FGF7: variants seen among roughly 807,000 people sequenced by gnomAD.
The protein encoded by FGF7 is fibroblast growth factor 7, also known as FGF-7.
Under a neutral mutation model 20.5 loss-of-function variants are expected in FGF7, and 6 were observed. The ratio of observed to expected loss-of-function variants is 0.29; its 90% CI spans 0.16 to 0.58. The LOEUF (loss-of-function observed/expected upper bound fraction) is 0.58. FGF7 is among the 20% of genes least tolerant of loss of function. The pLI, the probability that FGF7 is intolerant of heterozygous loss-of-function variation, is 0.90. For synonymous variants in FGF7, 64 were observed against 74.7 expected, an observed-to-expected ratio of 0.86 and a Z score of 0.74; for missense variants, 144 against 228.8, an observed-to-expected ratio of 0.63 and a Z score of 2.39.
At chr15:49,426,557 T>C (rs887932346) in intron 2 of FGF7, among the ~76,000 whole-genome samples, 3 of 151,958 alleles carry the variant, frequency 2.0e-5, no homozygotes, top group Non-Finnish European at 4.4e-5. Flanking sequence ...GTAAATTTTA[T>C]TTTGTTTGTG....
chr15:49,436,419 A>C (rs1264035623), intron 2 of FGF7, among the ~76,000 whole-genome samples: 1 of 151,698 alleles, frequency 6.6e-6, no homozygotes, highest in African/African-American at 2.4e-5. Context: ...TTTTATCAAC[A>C]CAAGCTGGTT....
At chr15:49,464,829 C>T (rs1057312328) in intron 2 of FGF7, among the ~76,000 whole-genome samples, 1 of 151,954 alleles carries the variant, frequency 6.6e-6, no homozygotes, top group Non-Finnish European at 1.5e-5. Context: ...CCTTGCTTAG[C>T]GTTAATAAAA....
chr15:49,469,620 A>C (rs1354047050), intron 2 of FGF7, among the ~76,000 whole-genome samples: 1 of 152,122 alleles, frequency 6.6e-6, no homozygotes, highest in Non-Finnish European at 1.5e-5. Flanking sequence ...TAATTCAATA[A>C]AGTATTTACT....
At chr15:49,454,296 T>A (rs1478417457) in intron 2 of FGF7, among the ~76,000 whole-genome samples, 3 of 152,188 alleles carry the variant, frequency 2.0e-5, no homozygotes, top group Admixed American at 6.5e-5. Context: ...TAGGTCTCTC[T>A]TGTGCATTTT....
At chr15:49,478,063 T>G (rs1324036220) in intron 2 of FGF7, among the ~76,000 whole-genome samples, 1 of 152,170 alleles carries the variant, frequency 6.6e-6, no homozygotes, top group East Asian at 1.9e-4. Flanking sequence ...TTTTCAACCC[T>G]TCCCTCATCT....
chr15:49,423,970 C>A, intron 1 of FGF7, 62 bp from the exon 2 acceptor site: 1 of 224,004 alleles, frequency 4.5e-6, no homozygotes, highest in Non-Finnish European at 8.8e-6. Context: ...AAAATTTACA[C>A]ATACAATTTT....
rs375278216 is a variant in FGF7, at chr15:49,487,118, C to G, written c.*2614C>G. The G allele has an allele frequency of 2.0e-5, 3 of 151,794 alleles. No individual in the cohort carries two copies. Among genetic ancestry groups the G allele is most frequent in the East Asian group, 3.9e-4 (2 of 5,190 alleles). 9.4% of individuals were successfully genotyped at this position (151,794 alleles called of 1,614,324 possible). A position where few individuals can be genotyped will look rare whatever the true frequency, so the allele number is the denominator to read the frequency against. On this transcript the variant is annotated 3_prime_UTR_variant, in exon 4 of 4. Coordinates refer to ENST00000267843, the MANE Select transcript of FGF7 (RefSeq NM_002009.4). Reference sequence around the variant, plus strand: ...GTACACAAATGTGACTATGTCTTGGCAATGCACTTCATACACAATGACTAA... The same window carrying G: ...GTACACAAATGTGACTATGTCTTGGGAATGCACTTCATACACAATGACTAA...
intron 1 of FGF7, 103 bp from the exon 2 acceptor site, chr15:49,423,929 T>C (rs2049905022): frequency 1.1e-5 from 2 of 186,498 alleles, no homozygotes; most frequent in African/African-American, 2.4e-5. Flanking sequence ...GAATAACCTA[T>C]ACTGTATTCT....
intron 3 of FGF7, 124 bp from the exon 4 acceptor site, chr15:49,484,186 T>C: frequency 3.2e-6 from 2 of 622,478 alleles, no homozygotes; most frequent in Non-Finnish European, 2.8e-6. Context: ...GCCTGCTCAA[T>C]CTGAGGGTTA....
chr15:49,458,484 C>T (rs953484582), intron 2 of FGF7, among the ~76,000 whole-genome samples: 3 of 152,078 alleles, frequency 2.0e-5, no homozygotes, highest in African/African-American at 7.2e-5. Flanking sequence ...CCTGTTCCCT[C>T]TTTACCAATT....
chr15:49,430,636 T>G (rs2050525761), intron 2 of FGF7, among the ~76,000 whole-genome samples: 1 of 151,872 alleles, frequency 6.6e-6, no homozygotes, highest in African/African-American at 2.4e-5. Flanking sequence ...GCCTGCTTGC[T>G]GTGTCATTCC....
chr15:49,486,657 C>G lies in FGF7; in HGVS notation c.*2153C>G, dbSNP rs1407783465. On this transcript the variant is annotated 3_prime_UTR_variant, in exon 4 of 4. Transcript: ENST00000267843. Reference sequence around the variant, plus strand: ...TATGTTAGGACCAAATGCTCTTTGTCTATGGAGTTATACTTCCATCAAATT... The same window carrying G: ...TATGTTAGGACCAAATGCTCTTTGTGTATGGAGTTATACTTCCATCAAATT... 1 of 151,964 alleles carries G rather than the reference C, an allele frequency of 6.6e-6. No individual in the cohort carries two copies. Among genetic ancestry groups the G allele is most frequent in the South Asian group, 2.1e-4 (1 of 4,830 alleles). The allele number at this position is 151,964 out of a possible 1,614,324, so 9.4% of individuals were successfully genotyped here.
At chr15:49,476,101 C>G (rs1567351197) in intron 2 of FGF7, among the ~76,000 whole-genome samples, 1 of 152,070 alleles carries the variant, frequency 6.6e-6, no homozygotes, top group Non-Finnish European at 1.5e-5. Context: ...TCTTTTCTAC[C>G]TATGTCAACT....
chr15:49,458,232 G>A (rs1036239815), intron 2 of FGF7, among the ~76,000 whole-genome samples: 28 of 151,820 alleles, frequency 1.8e-4, no homozygotes, highest in African/African-American at 6.3e-4. Context: ...AATAGATTTT[G>A]AATGTATATT....
At chr15:49,450,391 A>G (rs2052615495) in intron 2 of FGF7, among the ~76,000 whole-genome samples, 1 of 152,002 alleles carries the variant, frequency 6.6e-6, no homozygotes, top group African/African-American at 2.4e-5. Flanking sequence ...GTTGCTAAAG[A>G]TATTTTTTTT....
chr15:49,429,245 T>C (rs1361876332), intron 2 of FGF7, among the ~76,000 whole-genome samples: 1 of 152,032 alleles, frequency 6.6e-6, no homozygotes, highest in Non-Finnish European at 1.5e-5. Context: ...TAGAATCTTG[T>C]AGAACTGGTG....
intron 2 of FGF7, among the ~76,000 whole-genome samples, chr15:49,472,319 C>T (rs1162947292): frequency 6.6e-6 from 1 of 152,212 alleles, no homozygotes; most frequent in Non-Finnish European, 1.5e-5. Flanking sequence ...GTTCCATAAT[C>T]TCTTTGTTCT....
At chr15:49,440,430 T>A (rs1425678936) in intron 2 of FGF7, among the ~76,000 whole-genome samples, 2 of 151,706 alleles carry the variant, frequency 1.3e-5, no homozygotes, top group Admixed American at 1.3e-4. Context: ...GATCAGCAAA[T>A]TGATTATAGT....
At position 49,465,842 on chromosome 15, in the gene FGF7, T is replaced by G. The variant is rs556562787; in HGVS notation, c.287-17309T>G. On this transcript the variant is annotated intron_variant, in intron 2 of 3. Transcript: ENST00000267843. ...TAGAAAACTTGTTAATTCTTTAATC[T>G]TGGAATAATAACAATCATATGCCAA... Among the ~76,000 whole-genome samples the G allele has an allele frequency of 1.3e-3, 193 of 152,308 alleles. 1 individual carries two copies. The highest frequency in any genetic ancestry group is 2.5e-3 in the Non-Finnish European group (169 of 68,012).
Sources: gnomAD v4.1 joint callset for allele counts (sites outside exome capture counted in the v4.1 genomes callset) on GRCh38, gnomAD v4.1.1 for gene constraint, MANE v1.5 for transcripts, NCBI Gene and HGNC (gene_info 2026-07-23, HGNC 2026-07-21) for gene names.